Variants in RGS22 observed in about 807,000 individuals in gnomAD.
The protein encoded by RGS22 is regulator of G-protein signaling 22.
In RGS22, 148 loss-of-function variants were observed where a neutral mutation model predicts 172.9. The observed-to-expected ratio is 0.86, with a 90% CI of 0.75 to 0.98. The LOEUF is 0.98. RGS22 is among the 50% of genes least tolerant of loss of function. The pLI, the probability that RGS22 is intolerant of heterozygous loss-of-function variation, is 0.00. For synonymous variants in RGS22, 458 were observed against 480.2 expected (o/e 0.95, Z 0.60); for missense variants, 1,347 against 1,440.8 (o/e 0.93, Z 1.05).
At chr8:100,076,323 A>C (rs1811345973) in intron 4 of RGS22, among the ~76,000 whole-genome samples, 1 of 152,160 alleles carries the variant, frequency 6.6e-6, no homozygotes, top group South Asian at 2.1e-4. Context: ...ATCTTCTTAA[A>C]TAGAATTATC....
intron 3 of RGS22, among the ~76,000 whole-genome samples, chr8:100,084,505 T>C (rs1812023911): frequency 6.6e-6 from 1 of 152,176 alleles, no homozygotes; most frequent in African/African-American, 2.4e-5. Context: ...CTATTTATTA[T>C]AAAAAAAGAA....
rs1330609419 is a variant in RGS22, at chr8:100,098,975, G to A, written c.55-5466C>T. ...TCTGTCACCAGGCTGGAGTGCAGTG[G>A]CAAAATCTTGGCTCACTGCAACCTC... On this transcript the variant is annotated intron_variant, in intron 2 of 27. Coordinates refer to ENST00000360863, the MANE Select transcript of RGS22 (RefSeq NM_015668.5). 1.3e-5 allele frequency among the ~76,000 whole-genome samples: 2 copies of A among 150,586 alleles called. 1 individual carries two copies. The highest frequency in any genetic ancestry group is 4.2e-4 in the South Asian group (2 of 4,792).
At chr8:100,053,007 A>G (rs534135197) in intron 9 of RGS22, 31 bp from the exon 10 acceptor site, 39 of 1,589,832 alleles carry the variant, frequency 2.5e-5, no homozygotes, top group Non-Finnish European at 2.8e-5. Context: ...TGTAAGATTG[A>G]ACTAAACAAC....
At chr8:100,061,448 T>TA (rs1263303713) in intron 9 of RGS22, among the ~76,000 whole-genome samples, 1 of 152,018 alleles carries the variant, frequency 6.6e-6, no homozygotes, top group African/African-American at 2.4e-5. Context: ...GTAAGGAACT[T>TA]AAACAAATTT....
At chr8:99,974,755 C>T (rs1811743054) in intron 23 of RGS22, among the ~76,000 whole-genome samples, 1 of 151,064 alleles carries the variant, frequency 6.6e-6, no homozygotes, top group African/African-American at 2.4e-5. Flanking sequence ...CTGAGATCAT[C>T]CCACTGCACT....
chr8:99,992,325 T>C (rs1004156181), intron 20 of RGS22, among the ~76,000 whole-genome samples: 2 of 152,110 alleles, frequency 1.3e-5, no homozygotes, highest in East Asian at 1.9e-4. Context: ...AACTGGCAAA[T>C]TGGATAAAGA....
intron 18 of RGS22, among the ~76,000 whole-genome samples, chr8:100,001,202 T>TATATATATATATA (rs1554611096): frequency 1.3e-4 from 16 of 124,778 alleles, no homozygotes; most frequent in African/African-American, 4.9e-4. Context: ...TCCCAATTTT[T>TATATATATATATA]TATATATATA....
At chr8:100,079,384 TA>T (rs1811585714) in intron 4 of RGS22, among the ~76,000 whole-genome samples, 1 of 151,976 alleles carries the variant, frequency 6.6e-6, no homozygotes, top group Non-Finnish European at 1.5e-5. Flanking sequence ...TGGTGAAAGT[TA>T]AAGATAGATA....
intron 21 of RGS22, among the ~76,000 whole-genome samples, chr8:99,985,588 C>T (rs1225098986): frequency 6.6e-6 from 1 of 152,184 alleles, no homozygotes; most frequent in African/African-American, 2.4e-5. Context: ...GTGTTGTATT[C>T]ACCTTTTTAC....
At chr8:100,032,551 C>A (rs1818942379) in intron 14 of RGS22, among the ~76,000 whole-genome samples, 1 of 152,050 alleles carries the variant, frequency 6.6e-6, no homozygotes, top group South Asian at 2.1e-4. Context: ...GACTTAGACT[C>A]CCACACAATA....
chr8:100,053,903 G>C (rs1420290154), intron 9 of RGS22, among the ~76,000 whole-genome samples: 1 of 152,074 alleles, frequency 6.6e-6, no homozygotes. Context: ...CAAAGTGCTG[G>C]GATTACAGGC....
chr8:100,069,922 G>A (rs1012257563), intron 6 of RGS22, among the ~76,000 whole-genome samples: 3 of 150,190 alleles, frequency 2.0e-5, no homozygotes, highest in African/African-American at 7.4e-5. Context: ...CAGCTACTCG[G>A]AAGGCTGAGG....
At chr8:99,983,229 T>C (rs554425238) in intron 21 of RGS22, among the ~76,000 whole-genome samples, 78 of 152,346 alleles carry the variant, frequency 5.1e-4, no homozygotes, top group African/African-American at 1.8e-3. Flanking sequence ...GTTGATTCCA[T>C]GTCTTTGCTA....
intron 14 of RGS22, among the ~76,000 whole-genome samples, chr8:100,028,145 C>T (rs1818380502): frequency 6.6e-6 from 1 of 152,032 alleles, no homozygotes; most frequent in East Asian, 1.9e-4. Flanking sequence ...GTCTTATAAC[C>T]CACACTTCTT....
intron 10 of RGS22, among the ~76,000 whole-genome samples, chr8:100,052,227 ATATGTATATT>A (rs1488621974): frequency 8.5e-5 from 10 of 117,992 alleles, no homozygotes; most frequent in African/African-American, 3.4e-4. Context: ...ATACACATAT[ATATGTATATT>A]TATATATAAA....
chr8:99,997,134 G>A (rs939089029), intron 19 of RGS22, among the ~76,000 whole-genome samples: 3 of 152,162 alleles, frequency 2.0e-5, no homozygotes, highest in Non-Finnish European at 4.4e-5. Flanking sequence ...GGCTGTCCTG[G>A]CCTACATCTT....
intron 14 of RGS22, among the ~76,000 whole-genome samples, chr8:100,035,224 T>C (rs918959746): frequency 1.3e-5 from 2 of 152,124 alleles, no homozygotes; most frequent in African/African-American, 4.8e-5. Context: ...AAAGGGCTAA[T>C]ATCCAGAATC....
At chr8:99,996,110 G>C (rs1258433201) in intron 20 of RGS22, among the ~76,000 whole-genome samples, 2 of 151,276 alleles carry the variant, frequency 1.3e-5, no homozygotes, top group African/African-American at 4.9e-5. Context: ...GGGGCCTGTT[G>C]GGGGGTGGGG....
chr8:100,052,801 C>A lies in RGS22; in HGVS notation c.1689+1G>T, dbSNP rs754546877. On this transcript the variant is annotated splice_donor_variant, in intron 10 of 27. Transcript: ENST00000360863. LOFTEE classifies it high-confidence loss of function. ...GATCACAGCATGAATGTACACCCTA[C>A]CTGGATCTCAGGTATCTGTGGAATG... is the stretch of plus-strand genomic sequence containing the variant. 6.8e-6 allele frequency: 11 copies of A among 1,613,710 alleles called. No individual in the cohort carries two copies. Among genetic ancestry groups the A allele is most frequent in the Non-Finnish European group, 9.3e-6 (11 of 1,179,730 alleles).
Sources: allele counts gnomAD v4.1 joint callset (sites outside exome capture counted in the v4.1 genomes callset), GRCh38; gene constraint gnomAD v4.1.1; transcripts MANE v1.5; gene names NCBI Gene and HGNC (gene_info 2026-07-23, HGNC 2026-07-21).